CRTAC1: variants seen among roughly 807,000 people sequenced by gnomAD.
CRTAC1 encodes the protein cartilage acidic protein 1.
Under a neutral mutation model 67.8 loss-of-function variants are expected in CRTAC1, and 37 were observed. That is an observed-to-expected ratio of 0.55 (90% CI 0.42 to 0.72). The LOEUF (loss-of-function observed/expected upper bound fraction) is 0.72, where lower values mean the gene tolerates loss of function less well. Ranked by LOEUF, CRTAC1 falls within the 30% of genes least tolerant of loss-of-function variation. The pLI, the probability that CRTAC1 is intolerant of heterozygous loss-of-function variation, is 0.00. For synonymous variants in CRTAC1, 348 were observed against 371.0 expected, an observed-to-expected ratio of 0.94 and a Z score of 0.71; for missense variants, 780 against 931.6, an observed-to-expected ratio of 0.84 and a Z score of 2.12.
At chr10:97,990,842 A>G (rs1348216453) in intron 2 of CRTAC1, among the ~76,000 whole-genome samples, 1 of 152,222 alleles carries the variant, frequency 6.6e-6, no homozygotes, top group Non-Finnish European at 1.5e-5. Context: ...ACATTGATTC[A>G]TAGGAAACTA....
chr10:97,994,631 G>C (rs1192243514), intron 2 of CRTAC1, among the ~76,000 whole-genome samples: 1 of 152,148 alleles, frequency 6.6e-6, no homozygotes, highest in African/African-American at 2.4e-5. Context: ...CCATGAGATG[G>C]GGGAGAGAAC....
chr10:97,996,570 A>G (rs978975790), intron 2 of CRTAC1, among the ~76,000 whole-genome samples: 11 of 152,330 alleles, frequency 7.2e-5, no homozygotes, highest in African/African-American at 2.6e-4. Flanking sequence ...CAATCATTAA[A>G]AAGTCAGGAA....
intron 2 of CRTAC1, among the ~76,000 whole-genome samples, chr10:97,978,159 G>T (rs930274794): frequency 2.0e-5 from 3 of 152,156 alleles, no homozygotes; most frequent in African/African-American, 7.2e-5. Context: ...CGCAAAGTGT[G>T]GCCCATGGGC....
At chr10:97,928,327 G>A (rs916648047) in intron 3 of CRTAC1, among the ~76,000 whole-genome samples, 1 of 152,184 alleles carries the variant, frequency 6.6e-6, no homozygotes, top group Non-Finnish European at 1.5e-5. Flanking sequence ...GATGCCGTTG[G>A]AGGCTGGGGG....
intron 2 of CRTAC1, among the ~76,000 whole-genome samples, chr10:97,995,579 G>A (rs1842549021): frequency 6.6e-6 from 1 of 152,044 alleles, no homozygotes. Flanking sequence ...GATCCCCAAT[G>A]AACTATATTT....
At chr10:97,915,331 T>C (rs1425779263) in intron 5 of CRTAC1, among the ~76,000 whole-genome samples, 1 of 152,234 alleles carries the variant, frequency 6.6e-6, no homozygotes, top group Non-Finnish European at 1.5e-5. Context: ...CTGTGTGACC[T>C]TGGGCGAGTC....
At chr10:97,976,087 C>A (rs2051796969) in intron 2 of CRTAC1, among the ~76,000 whole-genome samples, 1 of 152,188 alleles carries the variant, frequency 6.6e-6, no homozygotes, top group Non-Finnish European at 1.5e-5. Context: ...TCCTGGCCAT[C>A]TAGAGCTCGG....
At chr10:97,987,249 T>TA (rs1026694826) in intron 2 of CRTAC1, among the ~76,000 whole-genome samples, 44 of 152,366 alleles carry the variant, frequency 2.9e-4, no homozygotes, top group African/African-American at 7.7e-4. Context: ...GGCTCCTTTA[T>TA]AAGCCATGGC....
At chr10:97,951,004 C>A (rs1339862413) in intron 2 of CRTAC1, among the ~76,000 whole-genome samples, 1 of 152,200 alleles carries the variant, frequency 6.6e-6, no homozygotes, top group Non-Finnish European at 1.5e-5. Context: ...GCCGGGTTGA[C>A]TGCCCCCTCT....
intron 3 of CRTAC1, among the ~76,000 whole-genome samples, chr10:97,935,416 C>T (rs1323389778): frequency 1.3e-5 from 2 of 152,212 alleles, no homozygotes; most frequent in East Asian, 3.8e-4. Context: ...GTGTGCAGGA[C>T]CTTGTTACTC....
intron 14 of CRTAC1, chr10:97,878,676 T>C (rs2050174325): frequency 1.5e-6 from 2 of 1,303,888 alleles, no homozygotes; most frequent in Non-Finnish European, 2.0e-6. Flanking sequence ...AGAGACCAAG[T>C]AGCAAGGTTC....
intron 1 of CRTAC1, among the ~76,000 whole-genome samples, chr10:98,016,599 C>T (rs990727302): frequency 2.0e-5 from 3 of 152,130 alleles, no homozygotes; most frequent in Non-Finnish European, 2.9e-5. Context: ...ACAGAACCAC[C>T]TCGGGTGGAG....
chr10:98,016,517 G>C (rs547872783), intron 1 of CRTAC1, among the ~76,000 whole-genome samples: 1 of 152,300 alleles, frequency 6.6e-6, no homozygotes, highest in South Asian at 2.1e-4. Flanking sequence ...TGGTCCCTGA[G>C]AGCCTGCATT....
intron 2 of CRTAC1, among the ~76,000 whole-genome samples, chr10:97,981,563 T>G (rs900546963): frequency 6.6e-6 from 1 of 152,234 alleles, no homozygotes; most frequent in East Asian, 1.9e-4. Context: ...TGCTTCTGGT[T>G]TTTTTGCTCT....
chr10:97,913,938 T>C (rs1014956469), intron 5 of CRTAC1, among the ~76,000 whole-genome samples: 20 of 152,374 alleles, frequency 1.3e-4, no homozygotes, highest in African/African-American at 4.6e-4. Context: ...AAATCAGATC[T>C]GCCCTCCGCT....
At chr10:97,931,199 G>T (rs2050998828) in intron 3 of CRTAC1, among the ~76,000 whole-genome samples, 3 of 152,172 alleles carry the variant, frequency 2.0e-5, no homozygotes, top group African/African-American at 7.2e-5. Flanking sequence ...TGAAATATTT[G>T]TTGGGAGTGT....
chr10:97,876,231 C>T (rs1482882600), intron 14 of CRTAC1, among the ~76,000 whole-genome samples: 2 of 152,172 alleles, frequency 1.3e-5, no homozygotes, highest in South Asian at 2.1e-4. Context: ...GTCCTGCCTT[C>T]GTCTGTCTGG....
At chr10:97,942,550 G>A (rs2051191911) in intron 2 of CRTAC1, among the ~76,000 whole-genome samples, 1 of 152,062 alleles carries the variant, frequency 6.6e-6, no homozygotes, top group Non-Finnish European at 1.5e-5. Context: ...TTTGACCTAT[G>A]TGAAAAAAAT....
chr10:97,940,127 G>C (rs78469241), intron 2 of CRTAC1, among the ~76,000 whole-genome samples: 1 of 152,218 alleles, frequency 6.6e-6, no homozygotes, highest in Non-Finnish European at 1.5e-5. Context: ...CAGCCACTGC[G>C]TGCCTAGAAT....
Sources: gnomAD v4.1 joint callset for allele counts (sites outside exome capture counted in the v4.1 genomes callset) on GRCh38, gnomAD v4.1.1 for gene constraint, MANE v1.5 for transcripts, NCBI Gene and HGNC (gene_info 2026-07-23, HGNC 2026-07-21) for gene names.